Variants in AGAP1 observed in about 807,000 individuals in gnomAD.
AGAP1 encodes ArfGAP with GTPase domain, ankyrin repeat and PH domain 1.
A neutral mutation model predicts 105.3 loss-of-function variants in AGAP1; 29 were observed. The ratio of observed to expected loss-of-function variants is 0.28; its 90% CI spans 0.21 to 0.38. AGAP1 has a LOEUF of 0.38. Among genes scored for constraint, AGAP1 ranks in the 10% least tolerant of loss-of-function variants. The pLI is 1.00. For missense variants in AGAP1, 998 were observed against 1,165.1 expected, an observed-to-expected ratio of 0.86 and a Z score of 2.09; for synonymous variants, 509 against 485.9, an observed-to-expected ratio of 1.05 and a Z score of -0.63.
At chr2:235,641,322 T>TCCTC (rs1947185382) in intron 1 of AGAP1, among the ~76,000 whole-genome samples, 1 of 149,786 alleles carries the variant, frequency 6.7e-6, no homozygotes, top group Non-Finnish European at 1.5e-5. Context: ...TTTCTCTTTC[T>TCCTC]CCTCCCTCCC....
At chr2:235,950,125 G>A (rs1379941521) in intron 12 of AGAP1, among the ~76,000 whole-genome samples, 1 of 152,216 alleles carries the variant, frequency 6.6e-6, no homozygotes, top group Non-Finnish European at 1.5e-5. Context: ...TGGAGTTGGA[G>A]AGCGCAGAAA....
At chr2:235,802,391 G>A (rs1038126348) in intron 8 of AGAP1, among the ~76,000 whole-genome samples, 5 of 152,180 alleles carry the variant, frequency 3.3e-5, no homozygotes, top group African/African-American at 1.2e-4. Context: ...TCTGCCTATG[G>A]ATCTAAGGGT....
chr2:235,538,790 T>G lies in AGAP1; in HGVS notation c.163+43941T>G, dbSNP rs191203971. 2.7e-3 allele frequency among the ~76,000 whole-genome samples: 412 copies of G among 152,322 alleles called. 3 individuals carry two copies. The highest frequency in any genetic ancestry group is 9.7e-3 in the African/African-American group (404 of 41,570). ...GTGTTGTCCAAGATAGGATTTAGTA[T>G]CCTGGAGCCAGGCTTGGAATTCTAG... On this transcript the variant is annotated intron_variant, in intron 1 of 17. Transcript: ENST00000304032.
In AGAP1 at chr2:236,121,119, C is replaced by T. The variant is rs2125979013; in HGVS notation, c.2370+672C>T. Among the ~76,000 whole-genome samples the T allele has an allele frequency of 6.6e-6, 1 of 152,246 alleles. No homozygotes were observed. Among genetic ancestry groups the T allele is most frequent in the South Asian group, 2.1e-4 (1 of 4,816 alleles). On this transcript the variant is annotated intron_variant, in intron 17 of 17. Coordinates refer to ENST00000304032, the MANE Select transcript of AGAP1 (RefSeq NM_001037131.3). The surrounding 1 kb of genome is among the most constrained non-coding windows in gnomAD (Gnocchi z 4.9). ...GCAGAAAGCTGCCGGCAGGGAGGCT[C>T]CCCAGATAGGGAAGGCAAGTGTGTG...
In AGAP1 at chr2:235,750,442, G is replaced by A. The variant is rs1488164422; in HGVS notation, c.627G>A (p.Glu209=). ...ACCTGAAACGGTGCACGTACTACGA[G>A]ACGTGTGCTACATACGGGCTGAATG... ...SNDLKRCTYY[E]TCATYGLNVE... is the part of the protein sequence containing the mutation. The change falls in exon 6 of 18, where the codon GAG becomes GAA. Residue 209 remains glutamate (E), a synonymous_variant. Coordinates refer to ENST00000304032, the MANE Select transcript of AGAP1 (RefSeq NM_001037131.3). The surrounding 1 kb of genome is among the most constrained non-coding windows in gnomAD (Gnocchi z 5.3). The A allele has an allele frequency of 6.2e-7, 1 of 1,614,228 alleles. No individual in the cohort carries two copies. Among genetic ancestry groups the A allele is most frequent in the Non-Finnish European group, 8.5e-7 (1 of 1,180,042 alleles).
Position 235,793,499 on chromosome 2 carries a change from T to G in AGAP1, c.674-4260T>G, listed in dbSNP as rs1957098216. On this transcript the variant is annotated intron_variant, in intron 6 of 17. Transcript: ENST00000304032. The surrounding 1 kb of genome is among the most constrained non-coding windows in gnomAD (Gnocchi z 5.3). ...GCTGGCAGGGTGTTCGATTGCCACA[T>G]GGTGGTGTCATGAGCAGTCCCAGAG... Among the ~76,000 whole-genome samples the G allele has an allele frequency of 6.6e-6, 1 of 152,122 alleles. No individual in the cohort carries two copies. The highest frequency in any genetic ancestry group is 2.1e-4 in the South Asian group (1 of 4,826).
chr2:235,911,528 A>G (rs531004440), intron 11 of AGAP1, among the ~76,000 whole-genome samples: 3 of 152,350 alleles, frequency 2.0e-5, no homozygotes, highest in East Asian at 3.9e-4. Context: ...CTTGAGATTT[A>G]TGTTCCTTGG....
At chr2:236,117,238 T>C (rs1559292380) in intron 16 of AGAP1, among the ~76,000 whole-genome samples, 1 of 152,230 alleles carries the variant, frequency 6.6e-6, no homozygotes, top group Non-Finnish European at 1.5e-5. Flanking sequence ...GTGTTCCCTG[T>C]ACACCACATC....
Position 235,623,429 on chromosome 2 carries a change from C to T in AGAP1, c.164-85750C>T, listed in dbSNP as rs1335948613. 3.9e-5 allele frequency among the ~76,000 whole-genome samples: 6 copies of T among 152,210 alleles called. No individual in the cohort carries two copies. Among genetic ancestry groups the T allele is most frequent in the Non-Finnish European group, 7.3e-5 (5 of 68,044 alleles). ...GTTATTAGACTTCACTTGGTCTGCA[C>T]GTGGTGGCTTTGGGATTTGCTGCTT... On this transcript the variant is annotated intron_variant, in intron 1 of 17. Coordinates refer to ENST00000304032, the MANE Select transcript of AGAP1 (RefSeq NM_001037131.3). This position sits in a 1 kb window ranked among gnomAD's most constrained non-coding sequence, Gnocchi z 4.5.
intron 16 of AGAP1, among the ~76,000 whole-genome samples, chr2:236,108,042 G>A (rs190027147): frequency 3.3e-5 from 5 of 152,200 alleles, no homozygotes; most frequent in African/African-American, 9.6e-5. Context: ...CCTCCTCCCC[G>A]CATGCGGGAT....
chr2:235,506,460 A>C (rs899801346), intron 1 of AGAP1, among the ~76,000 whole-genome samples: 1 of 151,968 alleles, frequency 6.6e-6, no homozygotes, highest in Non-Finnish European at 1.5e-5. Flanking sequence ...TGCAGGCTGC[A>C]GTGAGCTATG....
rs1388900671 is a variant in AGAP1, at chr2:235,989,697, G to GT, written c.1645+21074_1645+21075insT. Among the ~76,000 whole-genome samples, 1 of 152,160 alleles carries GT rather than the reference G, an allele frequency of 6.6e-6. No homozygotes were observed. Among genetic ancestry groups the GT allele is most frequent in the African/African-American group, 2.4e-5 (1 of 41,432 alleles). Reference sequence around the variant, plus strand: ...GTTGGAGAAAGAGTCATGAATCAAGGAGCCCAGGAGGACGGGGAATCCCTG... The same window carrying GT: ...GTTGGAGAAAGAGTCATGAATCAAGGTAGCCCAGGAGGACGGGGAATCCCTG... On this transcript the variant is annotated intron_variant, in intron 13 of 17. Coordinates refer to ENST00000304032, the MANE Select transcript of AGAP1 (RefSeq NM_001037131.3). This position sits in a 1 kb window ranked among gnomAD's most constrained non-coding sequence, Gnocchi z 4.4.
intron 9 of AGAP1, among the ~76,000 whole-genome samples, chr2:235,822,354 AACC>A (rs1161531643): frequency 2.6e-5 from 4 of 152,198 alleles, no homozygotes; most frequent in Non-Finnish European, 5.9e-5. Flanking sequence ...GACCTGGGGA[AACC>A]TAGAGGTGAG....
rs2058850767 is a variant in AGAP1 at position 236,083,830 on chromosome 2, A to G, written c.2114+34549A>G. Among the ~76,000 whole-genome samples the G allele has an allele frequency of 6.6e-6, 1 of 152,294 alleles. No homozygotes were observed. Among genetic ancestry groups the G allele is most frequent in the East Asian group, 1.9e-4 (1 of 5,182 alleles). On this transcript the variant is annotated intron_variant, in intron 16 of 17. Transcript: ENST00000304032. This position sits in a 1 kb window ranked among gnomAD's most constrained non-coding sequence, Gnocchi z 5.3. ...CAAGGAGTGCCTCTTCTGAGATCCC[A>G]TTCGATGCTCTGCCCTCAATTAAAT...
chr2:236,120,411 C>G lies in AGAP1; in HGVS notation c.2334C>G (p.Arg778=). The G allele has an allele frequency of 6.2e-7, 1 of 1,611,492 alleles. No individual in the cohort carries two copies. Among genetic ancestry groups the G allele is most frequent in the African/African-American group, 1.3e-5 (1 of 74,996 alleles). Residue 778 remains arginine (R), a synonymous_variant, in exon 17 of 18, where the codon CGC becomes CGG. Transcript: ENST00000304032. This position sits in a 1 kb window ranked among gnomAD's most constrained non-coding sequence, Gnocchi z 6.0. ...GCACGGCGCTGCATCTGGCCTGCCG[C>G]AAGGGGAATGTGGTCCTGGCGCAGC... is the stretch of plus-strand genomic sequence containing the variant. ...DGRTALHLAC[R]KGNVVLAQLL... is the part of the protein sequence containing the mutation.
intron 6 of AGAP1, among the ~76,000 whole-genome samples, chr2:235,764,000 T>TCCGTGCATGGCTGTGAC (rs1553625356): frequency 1.1e-4 from 17 of 150,178 alleles, no homozygotes; most frequent in African/African-American, 4.0e-4. Context: ...GTGGCTGTGA[T>TCCGTGCATGGCTGTGAC]CCGTGCGTGG....
At chr2:235,538,278 T>C (rs934457764) in intron 1 of AGAP1, among the ~76,000 whole-genome samples, 18 of 152,198 alleles carry the variant, frequency 1.2e-4, no homozygotes, top group African/African-American at 4.3e-4. Context: ...CTAAGGCATA[T>C]TGTGTCTGTG....
chr2:235,880,705 A>G (rs2049975756), intron 9 of AGAP1, among the ~76,000 whole-genome samples: 1 of 151,674 alleles, frequency 6.6e-6, no homozygotes, highest in Non-Finnish European at 1.5e-5. Context: ...GCGCCACTGC[A>G]CTGCAGCCTG....
chr2:235,651,848 T>C lies in AGAP1; in HGVS notation c.164-57331T>C, dbSNP rs1157863908. On this transcript the variant is annotated intron_variant, in intron 1 of 17. Coordinates refer to ENST00000304032, the MANE Select transcript of AGAP1 (RefSeq NM_001037131.3). ...ATTTATATTTATACTCGTATCTTGT[T>C]CCAGAAAGGATAAAGCGGTCCACGG... 2.6e-5 allele frequency among the ~76,000 whole-genome samples: 4 copies of C among 152,292 alleles called. No homozygotes were observed. In the South Asian group the frequency reaches 6.2e-4, roughly 24 times the overall value.
Sources: allele counts gnomAD v4.1 joint callset (sites outside exome capture counted in the v4.1 genomes callset), GRCh38; gene constraint gnomAD v4.1.1; non-coding constraint Gnocchi (gnomAD v3.1); transcripts MANE v1.5; gene names NCBI Gene and HGNC (gene_info 2026-07-23, HGNC 2026-07-21).